Variants in MTX2 observed in about 807,000 individuals in gnomAD.
MTX2 encodes the protein metaxin 2, also known as metaxin-2.
A neutral mutation model predicts 42.3 loss-of-function variants in MTX2; 35 were observed. That is an observed-to-expected ratio of 0.83 (90% CI 0.63 to 1.10). The LOEUF (loss-of-function observed/expected upper bound fraction) is 1.10, where lower values mean the gene tolerates loss of function less well. MTX2 is among the 50% of genes least tolerant of loss of function. The pLI is 0.00. For synonymous variants in MTX2, 119 were observed against 100.9 expected (o/e 1.18, Z -1.08); for missense variants, 307 against 304.1 (o/e 1.01, Z -0.07).
chr2:176,329,092 G>A (rs1684791382), intron 7 of MTX2, among the ~76,000 whole-genome samples, 180 bp downstream of exon 7: 1 of 151,200 alleles, frequency 6.6e-6, no homozygotes, highest in Non-Finnish European at 1.5e-5. Context: ...GTCATTGTTT[G>A]ATATAACGGG....
intron 3 of MTX2, among the ~76,000 whole-genome samples, chr2:176,314,509 T>C (rs1203454304): frequency 6.6e-6 from 1 of 152,188 alleles, no homozygotes; most frequent in Non-Finnish European, 1.5e-5. Context: ...TTACATTTAG[T>C]TTCACTGATT....
Position 176,329,426 on chromosome 2 carries a change from G to C in MTX2, c.543G>C (p.Gln181His). The change falls in exon 8 of 10, where the codon CAG becomes CAC. Residue 181 changes from glutamine (Q) to histidine (H), a missense_variant and splice_region_variant. Coordinates refer to ENST00000249442, the MANE Select transcript of MTX2 (RefSeq NM_006554.5). ...AIGWGKKTLD[Q>H]VLEDVDQCCQ... ...GATGGGGAAAGAAGACTCTGGACCA[G>C]GTCAGTTCAGGTTGAAGTTGACAAA... 1 of 1,603,122 alleles carries C rather than the reference G, an allele frequency of 6.2e-7. No homozygotes were observed. Among genetic ancestry groups the C allele is most frequent in the African/African-American group, 1.3e-5 (1 of 74,382 alleles).
intron 3 of MTX2, among the ~76,000 whole-genome samples, chr2:176,317,863 G>T (rs768346376): frequency 8.4e-4 from 128 of 152,146 alleles, no homozygotes; most frequent in Non-Finnish European, 1.6e-3. Context: ...AGGGCTAATT[G>T]TCTAATGCTT....
intron 7 of MTX2, 38 bp from the exon 8 acceptor site, chr2:176,329,263 G>C: frequency 6.5e-7 from 1 of 1,549,310 alleles, no homozygotes; most frequent in Non-Finnish European, 8.7e-7. Context: ...ATTGTTTTTA[G>C]GAAGGATCAC....
chr2:176,288,451 A>G (rs1451801741), intron 1 of MTX2, among the ~76,000 whole-genome samples: 1 of 151,998 alleles, frequency 6.6e-6, no homozygotes, highest in Non-Finnish European at 1.5e-5. Context: ...TGCTCTTTGA[A>G]CATTTTGTTA....
At chr2:176,313,925 G>A (rs1422324520) in intron 3 of MTX2, among the ~76,000 whole-genome samples, 1 of 152,090 alleles carries the variant, frequency 6.6e-6, no homozygotes, top group East Asian at 1.9e-4. Flanking sequence ...ATAAAGGATG[G>A]TAAGGACAGC....
chr2:176,332,502 A>G (rs1465682671), intron 9 of MTX2, among the ~76,000 whole-genome samples: 2 of 151,316 alleles, frequency 1.3e-5, no homozygotes, highest in East Asian at 3.9e-4. Flanking sequence ...ACCCCCTACA[A>G]TTAGAATTAA....
chr2:176,295,938 G>A (rs1197075472), intron 1 of MTX2, among the ~76,000 whole-genome samples: 1 of 152,124 alleles, frequency 6.6e-6, no homozygotes, highest in African/African-American at 2.4e-5. Context: ...GTTGCTGAGA[G>A]CAAATGTAGT....
intron 1 of MTX2, among the ~76,000 whole-genome samples, chr2:176,288,776 T>C (rs1438143716): frequency 6.6e-6 from 1 of 151,964 alleles, no homozygotes; most frequent in Admixed American, 6.6e-5. Context: ...CCTACATTCA[T>C]GTGGCAGAGG....
chr2:176,269,537 G>C lies in MTX2; in HGVS notation c.-93G>C, dbSNP rs548213972. On this transcript the variant is annotated 5_prime_UTR_variant, in exon 1 of 10. Coordinates refer to ENST00000249442, the MANE Select transcript of MTX2 (RefSeq NM_006554.5). The stretch of plus-strand genomic sequence containing the variant: ...GCGAGTCTGAACGTTGGCGGGGCTA[G>C]GCTCGTTAACTGCCGAGAGCCTCCG... 5.3e-5 allele frequency: 74 copies of C among 1,398,700 alleles called. No homozygotes were observed. The East Asian group carries it at 1.2e-3, about 23-fold the overall frequency. The allele number at this position is 1,398,700 out of a possible 1,614,324, so 86.6% of individuals were successfully genotyped here.
chr2:176,296,619 C>G (rs529083963), intron 1 of MTX2, among the ~76,000 whole-genome samples: 7 of 151,810 alleles, frequency 4.6e-5, no homozygotes, highest in African/African-American at 1.7e-4. Context: ...GGTATCTTCC[C>G]CTCTTCCCCA....
At chr2:176,324,724 A>T (rs1340900837) in intron 4 of MTX2, among the ~76,000 whole-genome samples, 2 of 151,672 alleles carry the variant, frequency 1.3e-5, no homozygotes, top group Non-Finnish European at 3.0e-5. Flanking sequence ...ATTTAGGTAG[A>T]TACCTATTTT....
At chr2:176,315,003 A>G (rs141032602) in intron 3 of MTX2, among the ~76,000 whole-genome samples, 3 of 152,302 alleles carry the variant, frequency 2.0e-5, no homozygotes, top group African/African-American at 7.2e-5. Flanking sequence ...AACAGATAGT[A>G]TGATGTACAT....
intron 1 of MTX2, among the ~76,000 whole-genome samples, chr2:176,280,341 C>T (rs1693049543): frequency 6.6e-6 from 1 of 152,124 alleles, no homozygotes. Flanking sequence ...GCTTGGTAAC[C>T]GATTTAGATA....
At chr2:176,329,575 CTAAAAAATCA>C in intron 8 of MTX2, 149 bp downstream of exon 8, 1 of 872,434 alleles carries the variant, frequency 1.1e-6, no homozygotes, top group East Asian at 3.0e-5. Flanking sequence ...AATTTTATTT[CTAAAAAATCA>C]TACATGCTTG....
chr2:176,324,624 A>G (rs1442024653), intron 4 of MTX2, among the ~76,000 whole-genome samples: 2 of 151,722 alleles, frequency 1.3e-5, no homozygotes, highest in Non-Finnish European at 1.5e-5. Context: ...TTAGAAGGTT[A>G]GTAATCTAAT....
intron 3 of MTX2, among the ~76,000 whole-genome samples, chr2:176,321,694 T>C (rs895246433): frequency 3.3e-5 from 5 of 152,196 alleles, no homozygotes; most frequent in African/African-American, 1.2e-4. Flanking sequence ...CTTTCTCCTT[T>C]TAAAGAAACT....
rs371481554 is a variant in MTX2 at position 176,297,930 on chromosome 2, C to G, written c.135+35C>G. ...TAAATAATGTAATATCTTTTTCACC[C>G]CCTAGGTGGTTTGCATCATTTTGAC... is the stretch of plus-strand genomic sequence containing the variant. On this transcript the variant is annotated intron_variant, in intron 3 of 9. Transcript: ENST00000249442. The G allele has an allele frequency of 1.1e-5, 16 of 1,477,906 alleles. No homozygotes were observed. In the African/African-American group the frequency reaches 2.3e-4, roughly 21 times the overall value. The allele number at this position is 1,477,906 out of a possible 1,614,324, so 91.5% of individuals were successfully genotyped here. A position where few individuals can be genotyped will look rare whatever the true frequency, so the allele number is the denominator to read the frequency against.
At chr2:176,317,858 T>A (rs1468768829) in intron 3 of MTX2, among the ~76,000 whole-genome samples, 1 of 152,198 alleles carries the variant, frequency 6.6e-6, no homozygotes. Context: ...GGGGGAGGGC[T>A]AATTGTCTAA....
Sources: allele counts gnomAD v4.1 joint callset (sites outside exome capture counted in the v4.1 genomes callset), GRCh38; gene constraint gnomAD v4.1.1; transcripts MANE v1.5; gene names NCBI Gene and HGNC (gene_info 2026-07-23, HGNC 2026-07-21).